ANKRD18A: variants seen among roughly 807,000 people sequenced by gnomAD.
ANKRD18A encodes the protein ankyrin repeat domain 18A.
A neutral mutation model predicts 110.6 loss-of-function variants in ANKRD18A; 72 were observed. The ratio of observed to expected loss-of-function variants is 0.65; its 90% CI spans 0.54 to 0.79. The LOEUF (loss-of-function observed/expected upper bound fraction) is 0.79. ANKRD18A is among the 30% of genes least tolerant of loss of function. The probability of loss-of-function intolerance (pLI) is 0.00; values close to 1 mark genes in which losing one functional copy is unlikely to be tolerated. For missense variants in ANKRD18A, 934 were observed against 1,163.3 expected (o/e 0.80, Z 2.87); for synonymous variants, 305 against 410.3 (o/e 0.74, Z 3.10).
rs561935351 is a variant in ANKRD18A at position 38,610,605 on chromosome 9, G to T, written c.603-195C>A. Among the ~76,000 whole-genome samples the T allele has an allele frequency of 1.4e-4, 22 of 152,248 alleles. No homozygotes were observed. The South Asian group carries it at 4.6e-3, about 32-fold the overall frequency. On this transcript the variant is annotated intron_variant, in intron 4 of 15. Coordinates refer to ENST00000399703, the MANE Select transcript of ANKRD18A (RefSeq NM_147195.4). ...TGTTAAATTACCACCAAGGCTAAAAGGCAGGGACAACAAGCAAACTTCGTG... is the reference window on the plus strand; with the variant it reads ...TGTTAAATTACCACCAAGGCTAAAATGCAGGGACAACAAGCAAACTTCGTG...
At chr9:38,613,678 C>T (rs1825736081) in intron 3 of ANKRD18A, among the ~76,000 whole-genome samples, 1 of 152,218 alleles carries the variant, frequency 6.6e-6, no homozygotes, top group Admixed American at 6.5e-5. Context: ...TCACTGACTT[C>T]AAGGATTTCA....
intron 8 of ANKRD18A, among the ~76,000 whole-genome samples, chr9:38,597,466 A>G (rs1473438719): frequency 1.3e-5 from 2 of 152,122 alleles, no homozygotes; most frequent in Non-Finnish European, 2.9e-5. Context: ...TAGCTGGAAG[A>G]TACACAGTAT....
Position 38,577,262 on chromosome 9 carries a change from T to A in ANKRD18A, c.2532A>T (p.Lys844Asn), listed in dbSNP as rs1316412707. The change falls in exon 14 of 16, where the codon AAA becomes AAT. Residue 844 changes from lysine to asparagine, a missense_variant and splice_region_variant. Around this residue, in one of 4 missense-constraint regions of ANKRD18A, gnomAD observed 223 missense variants for 226.7 expected, o/e 0.98. Transcript: ENST00000399703. ...IEKLEEIHLQ[K>N]QAEYEKQLEQ... The stretch of plus-strand genomic sequence containing the variant: ...CTAATTGTTTTTCATATTCTGCTTG[T>A]TTCTAAAACAAATGAAAAGAATACA... 11 of 1,521,904 alleles carry A rather than the reference T, an allele frequency of 7.2e-6. No individual in the cohort carries two copies. Among genetic ancestry groups the A allele is most frequent in the Non-Finnish European group, 9.7e-6 (11 of 1,136,466 alleles). 94.3% of individuals were successfully genotyped at this position (1,521,904 alleles called of 1,614,324 possible).
chr9:38,570,117 T>TC (rs1482312407), downstream of ANKRD18A, among the ~76,000 whole-genome samples: 2 of 151,594 alleles, frequency 1.3e-5, no homozygotes, highest in African/African-American at 4.9e-5. Context: ...TAATGAGCAC[T>TC]CCCCCATTGA....
chr9:38,613,775 A>T (rs1166233789), intron 3 of ANKRD18A, among the ~76,000 whole-genome samples: 1 of 152,226 alleles, frequency 6.6e-6, no homozygotes, highest in Non-Finnish European at 1.5e-5. Context: ...CTGCAACTGA[A>T]ACAAAAAGGT....
At chr9:38,591,020 G>A (rs1460541975) in intron 10 of ANKRD18A, among the ~76,000 whole-genome samples, 1 of 152,032 alleles carries the variant, frequency 6.6e-6, no homozygotes, top group East Asian at 1.9e-4. Context: ...GAGTGCAGTG[G>A]CTTGATCACC....
chr9:38,586,079 C>A lies in ANKRD18A; in HGVS notation c.2247+104G>T, dbSNP rs140916215. 4.1e-6 allele frequency: 5 copies of A among 1,212,336 alleles called. No individual in the cohort carries two copies. In the African/African-American group the frequency reaches 4.9e-5, roughly 12 times the overall value. 75.1% of individuals were successfully genotyped at this position (1,212,336 alleles called of 1,614,324 possible). On this transcript the variant is annotated intron_variant, in intron 12 of 15. Transcript: ENST00000399703. Reference sequence around the variant, plus strand: ...TTAATACCTAGGTGATGCATTGATACGTGCAGCAAACCATCATGGCACACA... The same window carrying A: ...TTAATACCTAGGTGATGCATTGATAAGTGCAGCAAACCATCATGGCACACA...
intron 3 of ANKRD18A, among the ~76,000 whole-genome samples, chr9:38,611,663 T>C (rs1161105077): frequency 6.6e-6 from 1 of 152,196 alleles, no homozygotes; most frequent in Non-Finnish European, 1.5e-5. Flanking sequence ...TGTATCTTTT[T>C]TCTCTATAAC....
chr9:38,600,315 A>G (rs936420472), intron 8 of ANKRD18A, among the ~76,000 whole-genome samples: 1 of 152,210 alleles, frequency 6.6e-6, no homozygotes, highest in Non-Finnish European at 1.5e-5. Context: ...CAGTGAATTC[A>G]TATTTCTAGG....
intron 11 of ANKRD18A, among the ~76,000 whole-genome samples, chr9:38,587,123 T>C (rs1438191192): frequency 6.6e-6 from 1 of 152,054 alleles, no homozygotes; most frequent in Non-Finnish European, 1.5e-5. Context: ...ACATCTTTAA[T>C]GTCTGAATTG....
intron 8 of ANKRD18A, among the ~76,000 whole-genome samples, chr9:38,599,653 G>A (rs1287894535): frequency 1.3e-5 from 2 of 151,668 alleles, no homozygotes; most frequent in African/African-American, 4.8e-5. Flanking sequence ...TAGTAGAGAC[G>A]GGGTTTCTCC....
chr9:38,602,957 G>A (rs1324473570), intron 7 of ANKRD18A, among the ~76,000 whole-genome samples: 1 of 152,166 alleles, frequency 6.6e-6, no homozygotes, highest in Non-Finnish European at 1.5e-5. Context: ...AGGAGCCACC[G>A]TCCCCAGCAA....
intron 8 of ANKRD18A, among the ~76,000 whole-genome samples, chr9:38,599,624 C>A (rs1002058225): frequency 3.3e-5 from 5 of 152,054 alleles, no homozygotes; most frequent in African/African-American, 1.2e-4. Flanking sequence ...ACCACCACAC[C>A]CAGCTAATTT....
At chr9:38,602,031 T>G (rs1825138862) in intron 7 of ANKRD18A, among the ~76,000 whole-genome samples, 1 of 149,632 alleles carries the variant, frequency 6.7e-6, no homozygotes, top group Non-Finnish European at 1.5e-5. Flanking sequence ...CAAAATTCTA[T>G]GTGAAGTCCT....
chr9:38,611,281 C>T lies in ANKRD18A; in HGVS notation c.536G>A (p.Arg179Lys), dbSNP rs746056790. The stretch of plus-strand genomic sequence containing the variant: ...CAATAAAAATTCCACCATATGCTGT[C>T]TCCTGGAATTTATAGCAAACAAAAG... Reference protein sequence around the residue: ...TPLLFAINSRRQHMVEFLLKN... With the variant: ...TPLLFAINSRKQHMVEFLLKN... The change falls in exon 4 of 16, where the codon AGA becomes AAA. Residue 179 changes from arginine to lysine, a missense_variant. Physicochemically the swap from Arg to Lys is conservative, Grantham distance 26. Coordinates refer to ENST00000399703, the MANE Select transcript of ANKRD18A (RefSeq NM_147195.4). The T allele has an allele frequency of 1.3e-5, 20 of 1,531,744 alleles. No homozygotes were observed. In the South Asian group the frequency reaches 2.2e-4, roughly 17 times the overall value. 94.9% of individuals were successfully genotyped at this position (1,531,744 alleles called of 1,614,324 possible).
In ANKRD18A at chr9:38,588,594, G is replaced by A; in HGVS notation, c.2074C>T (p.Gln692Ter). Residue 692 changes from glutamine to a stop codon, truncating the protein, a stop_gained, in exon 11 of 16, where the codon CAA becomes TAA. Coordinates refer to ENST00000399703, the MANE Select transcript of ANKRD18A (RefSeq NM_147195.4). LOFTEE classifies it high-confidence loss of function. ...LISLLNYTAD[Q>*]IRKKNRELEE... ...AATTCACGATTTTTCTTTCTTATTT[G>A]GTCCGCAGTATAGTTCAGTAATGAT... 1 of 1,383,176 alleles carries A rather than the reference G, an allele frequency of 7.2e-7. No homozygotes were observed. The highest frequency in any genetic ancestry group is 9.4e-7 in the Non-Finnish European group (1 of 1,060,492). The allele number at this position is 1,383,176 out of a possible 1,614,324, so 85.7% of individuals were successfully genotyped here.
At chr9:38,582,996 TG>T (rs1321415045) in intron 12 of ANKRD18A, among the ~76,000 whole-genome samples, 4 of 152,162 alleles carry the variant, frequency 2.6e-5, no homozygotes, top group Non-Finnish European at 5.9e-5. Flanking sequence ...ATTTAACAAA[TG>T]GGCAAAGAAT....
Position 38,603,212 on chromosome 9 carries a change from T to G in ANKRD18A, c.809A>C (p.Glu270Ala), listed in dbSNP as rs1388945962. 6 of 1,551,018 alleles carry G rather than the reference T, an allele frequency of 3.9e-6. No individual in the cohort carries two copies. The highest frequency in any genetic ancestry group is 2.6e-6 in the Non-Finnish European group (3 of 1,146,612). Residue 270 changes from glutamate to alanine, a missense_variant and splice_region_variant, in exon 7 of 16, where the codon GAA becomes GCA. Transcript: ENST00000399703. ...LKNHLRNDNQ[E>A]TAAMKPANLK... ...ATTTGCAGGCTTCATAGCTGCTGTTTCTGTCAAACATGCAAACTTGTTAGA... is the reference window on the plus strand; with the variant it reads ...ATTTGCAGGCTTCATAGCTGCTGTTGCTGTCAAACATGCAAACTTGTTAGA...
At chr9:38,587,980 CAGGAGGCTG>C (rs1183747819) in intron 11 of ANKRD18A, among the ~76,000 whole-genome samples, 1 of 152,046 alleles carries the variant, frequency 6.6e-6, no homozygotes, top group Non-Finnish European at 1.5e-5. Flanking sequence ...CATAGCTACT[CAGGAGGCTG>C]AGGCAAGAGA....
Sources: allele counts gnomAD v4.1 joint callset (sites outside exome capture counted in the v4.1 genomes callset), GRCh38; gene constraint gnomAD v4.1.1; regional missense constraint gnomAD v4.1.1; transcripts MANE v1.5; gene names NCBI Gene and HGNC (gene_info 2026-07-23, HGNC 2026-07-21).